CDCP1: variants seen among roughly 807,000 people sequenced by gnomAD.
The protein encoded by CDCP1 is CUB domain-containing protein 1.
A neutral mutation model predicts 60.2 loss-of-function variants in CDCP1; 29 were observed. That is an observed-to-expected ratio of 0.48 (90% CI 0.36 to 0.66). The LOEUF (loss-of-function observed/expected upper bound fraction) is 0.66. Ranked by LOEUF, CDCP1 falls within the 30% of genes least tolerant of loss-of-function variation. CDCP1 has a pLI of 0.00. For missense variants in CDCP1, 876 were observed against 1,074.3 expected (o/e 0.82, Z 2.58); for synonymous variants, 387 against 431.1 (o/e 0.90, Z 1.27).
rs1252108024 is a variant in CDCP1, at chr3:45,126,171, T to TTTCTTTCCTTCC, written c.83-7551_83-7550insGGAAGGAAAGAA. On this transcript the variant is annotated intron_variant, in intron 1 of 8. Coordinates refer to ENST00000296129, the MANE Select transcript of CDCP1 (RefSeq NM_022842.5). ...CTTTCTTTCTTTCTTTCTTTCTTTC[T>TTTCTTTCCTTCC]TTCCTTCTTTCTCTCTCTCTCTCTT... Among the ~76,000 whole-genome samples the TTTCTTTCCTTCC allele has an allele frequency of 5.0e-5, 7 of 139,928 alleles. No homozygotes were observed. In the East Asian group the frequency reaches 1.1e-3, roughly 22 times the overall value. 91.8% of individuals were successfully genotyped at this position (139,928 alleles called of 152,430 possible). A position where few individuals can be genotyped will look rare whatever the true frequency, so the allele number is the denominator to read the frequency against.
rs189937858 is a variant in CDCP1, at chr3:45,125,873, C to T, written c.83-7252G>A. 4.6e-5 allele frequency among the ~76,000 whole-genome samples: 7 copies of T among 152,314 alleles called. No individual in the cohort carries two copies. In the East Asian group the frequency reaches 7.7e-4, roughly 17 times the overall value. On this transcript the variant is annotated intron_variant, in intron 1 of 8. Transcript: ENST00000296129. ...CCCTGATCATTGGCTATTAATAGGC[C>T]CTTCTACATGTTGACTCATGTGACT...
intron 1 of CDCP1, among the ~76,000 whole-genome samples, chr3:45,133,019 C>T (rs1699124238): frequency 6.6e-6 from 1 of 152,156 alleles, no homozygotes; most frequent in Non-Finnish European, 1.5e-5. Flanking sequence ...TTAAAATAGG[C>T]TGGGCTTTTC....
intron 1 of CDCP1, among the ~76,000 whole-genome samples, chr3:45,144,272 A>G (rs1014559024): frequency 1.3e-5 from 2 of 152,152 alleles, no homozygotes; most frequent in South Asian, 4.1e-4. Context: ...AAACAAATCC[A>G]CTGTGCCAGG....
chr3:45,141,989 G>A (rs543064961), intron 1 of CDCP1, among the ~76,000 whole-genome samples: 1 of 152,088 alleles, frequency 6.6e-6, no homozygotes, highest in Non-Finnish European at 1.5e-5. Flanking sequence ...GTACCACCAT[G>A]TTTGGCTAAT....
chr3:45,113,925 G>A (rs938166885), intron 2 of CDCP1, among the ~76,000 whole-genome samples: 7 of 152,144 alleles, frequency 4.6e-5, no homozygotes, highest in South Asian at 4.1e-4. Context: ...GATTTTCCAC[G>A]CACACCTCCA....
chr3:45,140,437 GTT>G (rs1699269230), intron 1 of CDCP1, among the ~76,000 whole-genome samples: 1 of 152,204 alleles, frequency 6.6e-6, no homozygotes, highest in South Asian at 2.1e-4. Context: ...TCAGGGAACA[GTT>G]TTAATTTTCT....
rs945527736 is a variant in CDCP1 at position 45,084,424 on chromosome 3, A to G, written c.*1214T>C. ...GCAAAAGGCTCTTCCAGGATGATGA[A>G]GGAACTTTAGATGGAGAGATTATCC... On this transcript the variant is annotated 3_prime_UTR_variant, in exon 9 of 9. Coordinates refer to ENST00000296129, the MANE Select transcript of CDCP1 (RefSeq NM_022842.5). 2.6e-5 allele frequency: 4 copies of G among 152,182 alleles called. No homozygotes were observed. The highest frequency in any genetic ancestry group is 9.7e-5 in the African/African-American group (4 of 41,438). The allele number at this position is 152,182 out of a possible 1,614,324, so 9.4% of individuals were successfully genotyped here.
At chr3:45,092,852 G>A (rs1032480891) in intron 6 of CDCP1, among the ~76,000 whole-genome samples, 2 of 152,114 alleles carry the variant, frequency 1.3e-5, no homozygotes, top group African/African-American at 4.8e-5. Context: ...CCCTCCCAAC[G>A]CTCCTCCCTC....
chr3:45,124,176 G>A (rs1388826160), intron 1 of CDCP1, among the ~76,000 whole-genome samples: 1 of 152,112 alleles, frequency 6.6e-6, no homozygotes, highest in African/African-American at 2.4e-5. Context: ...TCTTCTCCCT[G>A]CCATCCTATT....
intron 1 of CDCP1, among the ~76,000 whole-genome samples, chr3:45,122,242 C>A (rs1698898761): frequency 6.7e-6 from 1 of 149,964 alleles, no homozygotes; most frequent in South Asian, 2.1e-4. Context: ...CTCCTGGGCT[C>A]AAGCTATTCT....
intron 7 of CDCP1, among the ~76,000 whole-genome samples, chr3:45,090,474 AC>A (rs951412311): frequency 2.0e-5 from 3 of 152,222 alleles, no homozygotes; most frequent in African/African-American, 7.2e-5. Flanking sequence ...TACCTGTCAG[AC>A]TTTTCAGGTC....
intron 5 of CDCP1, 84 bp downstream of exon 5, chr3:45,095,263 C>G: frequency 7.9e-7 from 1 of 1,260,316 alleles, no homozygotes; most frequent in East Asian, 2.4e-5. Flanking sequence ...GATTTACAAC[C>G]TACCCAGGGA....
rs1455305049 is a variant in CDCP1 at position 45,083,269 on chromosome 3, G to C, written c.*2369C>G. ...CGGCTCACAAGGCCAAGGGTCACTG[G>C]GCAGGAACCAGACTTTCAGAAGGGA... On this transcript the variant is annotated 3_prime_UTR_variant, in exon 9 of 9. Transcript: ENST00000296129. The C allele has an allele frequency of 6.6e-6, 1 of 152,212 alleles. No individual in the cohort carries two copies. The highest frequency in any genetic ancestry group is 2.4e-5 in the African/African-American group (1 of 41,450). 9.4% of individuals were successfully genotyped at this position (152,212 alleles called of 1,614,324 possible).
rs1448353199 is a variant in CDCP1, at chr3:45,095,498, T to C, written c.1095A>G (p.Lys365=). 1 of 1,614,040 alleles carries C rather than the reference T, an allele frequency of 6.2e-7. No individual in the cohort carries two copies. The highest frequency in any genetic ancestry group is 1.3e-5 in the African/African-American group (1 of 74,906). The part of the protein sequence containing the change: ...MSLTIEPRPV[K]QSRKFVPGCF... ...AGCCAGGGACAAACTTGCGGCTCTGTTTGACGGGCCGTGGCTCGATGGTGA... is the reference window on the plus strand; with the variant it reads ...AGCCAGGGACAAACTTGCGGCTCTGCTTGACGGGCCGTGGCTCGATGGTGA... The change falls in exon 5 of 9, where the codon AAA becomes AAG. Residue 365 remains lysine, a synonymous_variant. Coordinates refer to ENST00000296129, the MANE Select transcript of CDCP1 (RefSeq NM_022842.5).
chr3:45,087,179 C>T (rs754655201), intron 8 of CDCP1, among the ~76,000 whole-genome samples: 1 of 152,176 alleles, frequency 6.6e-6, no homozygotes, highest in Non-Finnish European at 1.5e-5. Flanking sequence ...TCCCCAGTAC[C>T]TCAATGAATC....
chr3:45,124,797 C>T (rs760670280), intron 1 of CDCP1, among the ~76,000 whole-genome samples: 1 of 152,082 alleles, frequency 6.6e-6, no homozygotes, highest in Non-Finnish European at 1.5e-5. Flanking sequence ...ACCATGGGAG[C>T]CCCAGGATGT....
At chr3:45,141,297 G>A (rs1699286397) in intron 1 of CDCP1, among the ~76,000 whole-genome samples, 1 of 152,126 alleles carries the variant, frequency 6.6e-6, no homozygotes, top group Admixed American at 6.5e-5. Flanking sequence ...CAAAGCAACT[G>A]TTTGCAAACA....
chr3:45,114,582 T>A lies in CDCP1; in HGVS notation c.293-2137A>T, dbSNP rs568717115. 3.3e-5 allele frequency among the ~76,000 whole-genome samples: 5 copies of A among 151,828 alleles called. No individual in the cohort carries two copies. In the East Asian group the frequency reaches 9.8e-4, roughly 30 times the overall value. ...GGTGTGTGCTGCCATGCCTGGGTAA[T>A]TTCTTTTGTATTTTTAGTAGGGGTT... On this transcript the variant is annotated intron_variant, in intron 2 of 8. Transcript: ENST00000296129.
intron 1 of CDCP1, among the ~76,000 whole-genome samples, chr3:45,135,287 T>C (rs1699173638): frequency 6.8e-6 from 1 of 147,902 alleles, no homozygotes; most frequent in African/African-American, 2.5e-5. Context: ...GCACATTGTG[T>C]GGGTGGATAG....
Sources: allele counts gnomAD v4.1 joint callset (sites outside exome capture counted in the v4.1 genomes callset), GRCh38; gene constraint gnomAD v4.1.1; transcripts MANE v1.5; gene names NCBI Gene and HGNC (gene_info 2026-07-23, HGNC 2026-07-21).